Variants in EPHB2 observed in about 807,000 individuals in gnomAD.
EPHB2 encodes the protein ephrin type-B receptor 2.
In EPHB2, 18 loss-of-function variants were observed where a neutral mutation model predicts 96.4. The observed-to-expected ratio is 0.19, with a 90% CI of 0.13 to 0.28. The LOEUF is 0.28. EPHB2 is among the 10% of genes least tolerant of loss of function. The pLI, the probability that EPHB2 is intolerant of heterozygous loss-of-function variation, is 1.00. For missense variants in EPHB2, 989 were observed against 1,355.4 expected, an observed-to-expected ratio of 0.73 and a Z score of 4.25; for synonymous variants, 506 against 534.1, an observed-to-expected ratio of 0.95 and a Z score of 0.72.
At position 22,864,061 on chromosome 1, in the gene EPHB2, G is replaced by A. The variant is rs1441861329; in HGVS notation, c.968-816G>A. Among the ~76,000 whole-genome samples, 18 of 122,852 alleles carry A rather than the reference G, an allele frequency of 1.5e-4. No individual in the cohort carries two copies. In the East Asian group the frequency reaches 5.1e-3, roughly 35 times the overall value. 80.6% of individuals were successfully genotyped at this position (122,852 alleles called of 152,430 possible). On this transcript the variant is annotated intron_variant, in intron 4 of 15. Coordinates refer to ENST00000374630, the MANE Select transcript of EPHB2 (RefSeq NM_017449.5). ...TTTTTTTTTTTTTTTTTTTTTTTGA[G>A]ATGGAGTTTCACTCTGTCGCCCAGG...
intron 3 of EPHB2, among the ~76,000 whole-genome samples, chr1:22,810,673 G>C (rs1644990426): frequency 6.6e-6 from 1 of 152,144 alleles, no homozygotes; most frequent in South Asian, 2.1e-4. Flanking sequence ...GGCACATTCA[G>C]GGACACAACC....
chr1:22,908,906 C>G (rs1640001515), intron 12 of EPHB2, 116 bp from the exon 13 acceptor site: 1 of 1,493,862 alleles, frequency 6.7e-7, no homozygotes, highest in African/African-American at 1.4e-5. Context: ...AAGTTTGGGG[C>G]ACAATGAGGT....
intron 1 of EPHB2, among the ~76,000 whole-genome samples, chr1:22,734,102 C>T (rs1643773257): frequency 6.6e-6 from 1 of 152,198 alleles, no homozygotes; most frequent in Non-Finnish European, 1.5e-5. Flanking sequence ...CCAGGGCCAG[C>T]CTGGGCTTGG....
intron 5 of EPHB2, among the ~76,000 whole-genome samples, chr1:22,868,778 C>T (rs2148532654): frequency 6.6e-6 from 1 of 152,116 alleles, no homozygotes; most frequent in East Asian, 1.9e-4. Context: ...GATGTGGGTA[C>T]CTAATCCTAT....
intron 1 of EPHB2, among the ~76,000 whole-genome samples, chr1:22,727,543 A>G (rs1643608055): frequency 1.3e-5 from 2 of 152,206 alleles, no homozygotes; most frequent in African/African-American, 4.8e-5. Flanking sequence ...GAACCATCCC[A>G]GAATATGCAG....
At chr1:22,803,622 T>C (rs1210979037) in intron 3 of EPHB2, among the ~76,000 whole-genome samples, 2 of 734 alleles carry the variant, frequency 2.7e-3, no homozygotes, top group African/African-American at 5.1e-3. Context: ...AAATAATATA[T>C]ATATATATGT....
intron 2 of EPHB2, among the ~76,000 whole-genome samples, chr1:22,783,677 T>G (rs1283938690): frequency 6.6e-6 from 1 of 152,102 alleles, no homozygotes. Context: ...GCCCCAACTT[T>G]CCACCACCTG....
intron 6 of EPHB2, among the ~76,000 whole-genome samples, chr1:22,891,417 G>A (rs1438809587): frequency 6.6e-6 from 1 of 152,252 alleles, no homozygotes; most frequent in Non-Finnish European, 1.5e-5. Context: ...GGAGCTTCAT[G>A]ATCTTCAAAG....
chr1:22,713,832 G>T (rs947452135), intron 1 of EPHB2, among the ~76,000 whole-genome samples: 1 of 152,222 alleles, frequency 6.6e-6, no homozygotes, highest in Non-Finnish European at 1.5e-5. Flanking sequence ...AGGAGAGTGT[G>T]TGTGTATACG....
intron 1 of EPHB2, among the ~76,000 whole-genome samples, chr1:22,753,536 G>A (rs1269994863): frequency 6.6e-6 from 1 of 152,208 alleles, no homozygotes; most frequent in African/African-American, 2.4e-5. Flanking sequence ...GGTCAGGGAA[G>A]GCTCCCATGA....
At chr1:22,796,532 C>T (rs746570124) in intron 3 of EPHB2, among the ~76,000 whole-genome samples, 37 of 152,202 alleles carry the variant, frequency 2.4e-4, no homozygotes, top group Admixed American at 8.5e-4. Context: ...ACTTGCAATC[C>T]GTGAGCTTTG....
chr1:22,830,176 G>A (rs1365711264), intron 3 of EPHB2, among the ~76,000 whole-genome samples: 1 of 152,174 alleles, frequency 6.6e-6, no homozygotes, highest in Non-Finnish European at 1.5e-5. Context: ...TACAGAGAAA[G>A]GGCTTTGGCG....
At chr1:22,903,170 G>A (rs1424485921) in intron 9 of EPHB2, among the ~76,000 whole-genome samples, 3 of 152,222 alleles carry the variant, frequency 2.0e-5, no homozygotes, top group African/African-American at 7.2e-5. Flanking sequence ...ACAGCATGAC[G>A]ATGGCATCCA....
At position 22,856,332 on chromosome 1, in the gene EPHB2, T is replaced by G. The variant is rs988693960; in HGVS notation, c.812-6705T>G. On this transcript the variant is annotated intron_variant, in intron 3 of 15. Transcript: ENST00000374630. ...GGGGCAGGCGGGGAGAAAATCTGTT[T>G]CCCTGTAATCCTCCCTCCTTTCTTC... is the stretch of plus-strand genomic sequence containing the variant. 1.1e-4 allele frequency among the ~76,000 whole-genome samples: 16 copies of G among 152,292 alleles called. No individual in the cohort carries two copies. In the East Asian group the frequency reaches 3.1e-3, roughly 29 times the overall value.
chr1:22,765,546 C>CAAA (rs10667863), intron 1 of EPHB2, among the ~76,000 whole-genome samples: 9,863 of 114,850 alleles, frequency 0.086, 770 homozygotes, highest in East Asian at 0.16. Context: ...GACCCTGTCG[C>CAAA]AAAAAAAAAA....
Position 22,834,872 on chromosome 1 carries a change from C to A in EPHB2, c.812-28165C>A, listed in dbSNP as rs151209533. Among the ~76,000 whole-genome samples, 831 of 152,000 alleles carry A rather than the reference C, an allele frequency of 5.5e-3. 10 individuals are homozygous for A. Among genetic ancestry groups the A allele is most frequent in the African/African-American group, 0.019 (776 of 41,416 alleles). Reference sequence around the variant, plus strand: ...CCAGCGAGGCAGAGGTTGCAGTGAGCCGAGATCACACCACTGCACTCCAGC... The same window carrying A: ...CCAGCGAGGCAGAGGTTGCAGTGAGACGAGATCACACCACTGCACTCCAGC... On this transcript the variant is annotated intron_variant, in intron 3 of 15. Transcript: ENST00000374630.
At chr1:22,800,009 G>A (rs1482816537) in intron 3 of EPHB2, among the ~76,000 whole-genome samples, 1 of 152,198 alleles carries the variant, frequency 6.6e-6, no homozygotes, top group East Asian at 1.9e-4. Context: ...TGTGCTGCCT[G>A]GGCAGGCCAT....
intron 3 of EPHB2, among the ~76,000 whole-genome samples, chr1:22,839,352 C>T (rs957351796): frequency 3.3e-5 from 5 of 152,198 alleles, no homozygotes; most frequent in Non-Finnish European, 5.9e-5. Context: ...GACACTCAGA[C>T]GCAGGGTCTT....
intron 1 of EPHB2, among the ~76,000 whole-genome samples, chr1:22,738,678 CTGT>C (rs1302594716): frequency 5.3e-5 from 8 of 152,222 alleles, no homozygotes; most frequent in Non-Finnish European, 1.0e-4. Flanking sequence ...AGCCCATGTG[CTGT>C]TATTAGTCAT....
Sources: gnomAD v4.1 joint callset for allele counts (sites outside exome capture counted in the v4.1 genomes callset) on GRCh38, gnomAD v4.1.1 for gene constraint, MANE v1.5 for transcripts, NCBI Gene and HGNC (gene_info 2026-07-23, HGNC 2026-07-21) for gene names.